Variants in CDK14 observed in about 807,000 individuals in gnomAD.
CDK14 encodes the protein cyclin dependent kinase 14.
CDK14 carries 34 observed loss-of-function variants against 60.7 expected under a neutral mutation model. The observed-to-expected ratio is 0.56, with a 90% CI of 0.43 to 0.75. The LOEUF (loss-of-function observed/expected upper bound fraction) is 0.75. Ranked by LOEUF, CDK14 falls within the 30% of genes least tolerant of loss-of-function variation. The pLI is 0.00. For missense variants in CDK14, 482 were observed against 564.1 expected (o/e 0.85, Z 1.47); for synonymous variants, 197 against 203.7 (o/e 0.97, Z 0.28).
At chr7:91,035,350 T>C (rs1466415263) in intron 10 of CDK14, among the ~76,000 whole-genome samples, 1 of 152,210 alleles carries the variant, frequency 6.6e-6, no homozygotes, top group Non-Finnish European at 1.5e-5. Flanking sequence ...CTAAACCTCA[T>C]AAAGGTGCTG....
In CDK14 at chr7:91,075,397, G is replaced by A. The variant is rs532299309; in HGVS notation, c.1106-4035G>A. Among the ~76,000 whole-genome samples the A allele has an allele frequency of 7.9e-5, 12 of 152,148 alleles. No homozygotes were observed. The South Asian group carries it at 1.0e-3, about 13-fold the overall frequency. ...TGATTAACTCAATAGATGCAGAAACGGCCTTCGATAAAATTCAACATCGCT... is the reference window on the plus strand; with the variant it reads ...TGATTAACTCAATAGATGCAGAAACAGCCTTCGATAAAATTCAACATCGCT... On this transcript the variant is annotated intron_variant, in intron 11 of 14. Coordinates refer to ENST00000380050, the MANE Select transcript of CDK14 (RefSeq NM_001287135.2).
intron 1 of CDK14, among the ~76,000 whole-genome samples, chr7:90,601,426 G>A (rs1342998284): frequency 5.3e-5 from 8 of 152,210 alleles, no homozygotes; most frequent in Non-Finnish European, 8.8e-5. Context: ...AGAAGAAACC[G>A]TGTAAGGTGT....
chr7:90,897,740 A>G (rs988906214), intron 6 of CDK14, among the ~76,000 whole-genome samples: 1 of 152,058 alleles, frequency 6.6e-6, no homozygotes, highest in African/African-American at 2.4e-5. Flanking sequence ...TTATATAGTT[A>G]CTCAGGAAAA....
At chr7:91,204,155 A>G (rs1802810824) in intron 14 of CDK14, among the ~76,000 whole-genome samples, 1 of 152,130 alleles carries the variant, frequency 6.6e-6, no homozygotes, top group African/African-American at 2.4e-5. Context: ...CAAAGGGCCT[A>G]TGTGTGGTAT....
intron 11 of CDK14, among the ~76,000 whole-genome samples, chr7:91,064,598 G>C (rs536984797): frequency 6.6e-6 from 1 of 152,332 alleles, no homozygotes; most frequent in Admixed American, 6.5e-5. Flanking sequence ...CTGGAGTAGA[G>C]TCCTGGTTCA....
chr7:91,116,549 T>C (rs993230040), intron 13 of CDK14, among the ~76,000 whole-genome samples: 6 of 152,244 alleles, frequency 3.9e-5, no homozygotes, highest in Non-Finnish European at 8.8e-5. Flanking sequence ...AACAGCATAA[T>C]GCTCTTAATG....
At chr7:90,884,935 G>A (rs1297003056) in intron 6 of CDK14, among the ~76,000 whole-genome samples, 1 of 152,052 alleles carries the variant, frequency 6.6e-6, no homozygotes, top group East Asian at 1.9e-4. Flanking sequence ...AAAATTTAGT[G>A]CAAGATGGCT....
intron 14 of CDK14, among the ~76,000 whole-genome samples, chr7:91,179,868 G>A (rs1459119774): frequency 6.6e-6 from 1 of 151,576 alleles, no homozygotes; most frequent in Non-Finnish European, 1.5e-5. Context: ...TTGTTAATTT[G>A]ATCATTCATG....
chr7:90,935,453 A>G lies in CDK14; in HGVS notation c.826+17729A>G, dbSNP rs190350763. On this transcript the variant is annotated intron_variant, in intron 8 of 14. Coordinates refer to ENST00000380050, the MANE Select transcript of CDK14 (RefSeq NM_001287135.2). ...GGCAAATTTTTAAATATATCTTTAC[A>G]TTATACAAAAGGGGAATGCACAGTT... is the stretch of plus-strand genomic sequence containing the variant. Among the ~76,000 whole-genome samples the G allele has an allele frequency of 6.0e-4, 92 of 152,366 alleles. 2 individuals carry two copies. The highest frequency in any genetic ancestry group is 5.9e-3 in the Admixed American group (91 of 15,308).
rs112016367 is a variant in CDK14 at position 91,096,065 on chromosome 7, CAAAAA to C, written c.1155-16458_1155-16454del. The stretch of plus-strand genomic sequence containing the variant: ...ATTTATCTATATTACCACAATTTGC[CAAAAA>C]AAAAAAAAAAAAAAAAAACAGTTAT... On this transcript the variant is annotated intron_variant, in intron 12 of 14. Coordinates refer to ENST00000380050, the MANE Select transcript of CDK14 (RefSeq NM_001287135.2). Among the ~76,000 whole-genome samples the C allele has an allele frequency of 8.2e-4, 53 of 64,552 alleles. 1 individual carries two copies. Among genetic ancestry groups the C allele is most frequent in the Non-Finnish European group, 1.2e-3 (45 of 37,604 alleles). The allele number at this position is 64,552 out of a possible 152,430, so 42.3% of individuals were successfully genotyped here. A position where few individuals can be genotyped will look rare whatever the true frequency, so the allele number is the denominator to read the frequency against.
At chr7:91,167,048 T>C (rs929054031) in intron 14 of CDK14, among the ~76,000 whole-genome samples, 23 of 152,256 alleles carry the variant, frequency 1.5e-4, no homozygotes, top group African/African-American at 5.5e-4. Context: ...TGTGTCGTTT[T>C]AGTTTTTATT....
chr7:91,052,572 T>C (rs1797422642), intron 11 of CDK14, among the ~76,000 whole-genome samples: 1 of 152,158 alleles, frequency 6.6e-6, no homozygotes, highest in Non-Finnish European at 1.5e-5. Flanking sequence ...ATCTCTCAAA[T>C]GCTTCCAACA....
intron 2 of CDK14, among the ~76,000 whole-genome samples, chr7:90,715,439 A>G (rs193070590): frequency 3.1e-4 from 47 of 152,132 alleles, no homozygotes; most frequent in African/African-American, 1.1e-3. Flanking sequence ...TGCTTCTGAC[A>G]TGGTAGACAT....
At chr7:90,717,245 G>T (rs995489105) in intron 2 of CDK14, among the ~76,000 whole-genome samples, 1 of 152,062 alleles carries the variant, frequency 6.6e-6, no homozygotes, top group African/African-American at 2.4e-5. Context: ...AAACAAAACT[G>T]TATCTCATCT....
chr7:91,180,554 G>A (rs985025004), intron 14 of CDK14, among the ~76,000 whole-genome samples: 1 of 152,140 alleles, frequency 6.6e-6, no homozygotes, highest in Admixed American at 6.5e-5. Context: ...GATTACGGGC[G>A]AGCAGAATTG....
At chr7:91,003,435 A>G (rs1795894788) in intron 10 of CDK14, among the ~76,000 whole-genome samples, 1 of 152,156 alleles carries the variant, frequency 6.6e-6, no homozygotes, top group Admixed American at 6.5e-5. Context: ...TGGTTTGCCT[A>G]CTGAAAAAGA....
At chr7:91,069,957 T>C (rs1323603335) in intron 11 of CDK14, among the ~76,000 whole-genome samples, 1 of 151,984 alleles carries the variant, frequency 6.6e-6, no homozygotes, top group Admixed American at 6.6e-5. Context: ...CCACCACACC[T>C]AGCTGATTTT....
intron 14 of CDK14, among the ~76,000 whole-genome samples, chr7:91,122,722 C>G (rs752206746): frequency 1.1e-4 from 16 of 152,174 alleles, no homozygotes; most frequent in South Asian, 8.3e-4. Flanking sequence ...TTCTCTTTGT[C>G]CCTCTACTTC....
Position 90,955,828 on chromosome 7 carries a change from G to A in CDK14, c.947+11G>A, listed in dbSNP as rs764194744. ...CTGCCTTGACATGTGGTGAGAAATG[G>A]AAGCTTTACTCTAGCTAATCTATCT... On this transcript the variant is annotated intron_variant, in intron 9 of 14. Coordinates refer to ENST00000380050, the MANE Select transcript of CDK14 (RefSeq NM_001287135.2). 1.4e-5 allele frequency: 22 copies of A among 1,612,212 alleles called. No individual in the cohort carries two copies. In the African/African-American group the frequency reaches 2.7e-4, roughly 20 times the overall value.
Sources: gnomAD v4.1 joint callset for allele counts (sites outside exome capture counted in the v4.1 genomes callset) on GRCh38, gnomAD v4.1.1 for gene constraint, MANE v1.5 for transcripts, NCBI Gene and HGNC (gene_info 2026-07-23, HGNC 2026-07-21) for gene names.